Variants in MAN1A1 observed in about 807,000 individuals in gnomAD.
MAN1A1 encodes the protein mannosyl-oligosaccharide 1,2-alpha-mannosidase IA.
MAN1A1 carries 29 observed loss-of-function variants against 70.8 expected under a neutral mutation model. The ratio of observed to expected loss-of-function variants is 0.41; its 90% confidence interval spans 0.31 to 0.56. MAN1A1 has a LOEUF of 0.56. Ranked by LOEUF, MAN1A1 falls within the 20% of genes least tolerant of loss-of-function variation. MAN1A1 has a pLI of 0.29. For synonymous variants in MAN1A1, 349 were observed against 330.1 expected (o/e 1.06, Z -0.62); for missense variants, 747 against 841.3 (o/e 0.89, Z 1.39).
intron 5 of MAN1A1, among the ~76,000 whole-genome samples, chr6:119,249,070 G>A (rs1400913452): frequency 6.6e-6 from 1 of 152,160 alleles, no homozygotes; most frequent in Non-Finnish European, 1.5e-5. Context: ...GATGAGAACT[G>A]TACGCAGCAT....
chr6:119,299,866 A>T (rs1364844485), intron 4 of MAN1A1, among the ~76,000 whole-genome samples: 1 of 152,162 alleles, frequency 6.6e-6, no homozygotes, highest in African/African-American at 2.4e-5. Context: ...ATTTTAAATA[A>T]AACTGCTCCT....
chr6:119,232,200 G>T (rs567152406), intron 6 of MAN1A1, among the ~76,000 whole-genome samples: 1 of 151,868 alleles, frequency 6.6e-6, no homozygotes, highest in Admixed American at 6.6e-5. Flanking sequence ...GTGAAACCTC[G>T]TCTCTACTAA....
In MAN1A1 at chr6:119,316,278, A is replaced by G. The variant is rs574697640; in HGVS notation, c.604-9286T>C. Among the ~76,000 whole-genome samples the G allele has an allele frequency of 2.7e-5, 4 of 150,886 alleles. No individual in the cohort carries two copies. In the South Asian group the frequency reaches 8.4e-4, roughly 32 times the overall value. ...CTGCAATCTCCACCTCCCGCGTTCA[A>G]GCGATTGTCCTGCCTCAGCCTCCTG... On this transcript the variant is annotated intron_variant, in intron 2 of 12. Coordinates refer to ENST00000368468, the MANE Select transcript of MAN1A1 (RefSeq NM_005907.4).
At chr6:119,253,407 T>C (rs1775378319) in intron 5 of MAN1A1, among the ~76,000 whole-genome samples, 1 of 152,234 alleles carries the variant, frequency 6.6e-6, no homozygotes, top group Non-Finnish European at 1.5e-5. Context: ...AACGCCCGAC[T>C]GCACGTTGCA....
intron 6 of MAN1A1, among the ~76,000 whole-genome samples, chr6:119,243,123 G>A (rs983058811): frequency 6.6e-6 from 1 of 152,058 alleles, no homozygotes; most frequent in Non-Finnish European, 1.5e-5. Flanking sequence ...AACATAAAGT[G>A]TAAGATGGAG....
intron 5 of MAN1A1, among the ~76,000 whole-genome samples, chr6:119,256,912 G>A (rs1775475842): frequency 6.6e-6 from 1 of 152,156 alleles, no homozygotes; most frequent in Admixed American, 6.5e-5. Context: ...ATCTCAAGAA[G>A]CTTACAACCA....
intron 9 of MAN1A1, among the ~76,000 whole-genome samples, chr6:119,190,453 A>G (rs947997170): frequency 6.6e-6 from 1 of 152,192 alleles, no homozygotes; most frequent in African/African-American, 2.4e-5. Context: ...TTTGCTTACT[A>G]TATCTCTAAA....
chr6:119,242,066 C>A (rs1463038976), intron 6 of MAN1A1, among the ~76,000 whole-genome samples: 1 of 151,536 alleles, frequency 6.6e-6, no homozygotes, highest in Non-Finnish European at 1.5e-5. Context: ...AACAGTCAGA[C>A]CCTTAGCAGA....
chr6:119,201,191 T>C, intron 8 of MAN1A1, 63 bp downstream of exon 8: 5 of 1,246,032 alleles, frequency 4.0e-6, no homozygotes, highest in Non-Finnish European at 5.9e-6. Flanking sequence ...GCTTTTGTGC[T>C]TCCTCTCTCT....
In MAN1A1 at chr6:119,349,686, G is replaced by A. The variant is rs1421451586; in HGVS notation, c.-367C>T. ...CGCAGCCCCGGCGCGGCTCAGGTGG[G>A]CGAGCGCGCCGACCTGCGGGCGAAT... On this transcript the variant is annotated 5_prime_UTR_variant, in exon 1 of 13. Coordinates refer to ENST00000368468, the MANE Select transcript of MAN1A1 (RefSeq NM_005907.4). 4.1e-6 allele frequency: 4 copies of A among 985,768 alleles called. No individual in the cohort carries two copies. The highest frequency in any genetic ancestry group is 1.2e-4 in the Admixed American group (2 of 16,274). 61.1% of individuals were successfully genotyped at this position (985,768 alleles called of 1,614,324 possible). A position where few individuals can be genotyped will look rare whatever the true frequency, so the allele number is the denominator to read the frequency against.
chr6:119,227,596 A>C (rs1774553717), intron 6 of MAN1A1, among the ~76,000 whole-genome samples: 1 of 152,154 alleles, frequency 6.6e-6, no homozygotes, highest in East Asian at 1.9e-4. Flanking sequence ...CAGCCTCTCC[A>C]GTAGCTGAGA....
At chr6:119,204,289 G>T (rs927583362) in intron 7 of MAN1A1, among the ~76,000 whole-genome samples, 1 of 152,148 alleles carries the variant, frequency 6.6e-6, no homozygotes, top group Non-Finnish European at 1.5e-5. Context: ...CAATTTTACT[G>T]TAAAGGGAAG....
rs1429249196 is a variant in MAN1A1, at chr6:119,348,630, T to A, written c.436A>T (p.Ile146Phe). The A allele has an allele frequency of 1.9e-6, 3 of 1,613,802 alleles. No homozygotes were observed. The highest frequency in any genetic ancestry group is 2.5e-6 in the Non-Finnish European group (3 of 1,179,936). ...TTCTCCAGTAGGATGTCTCTTTGGA[T>A]CTCCTCGGGCAGCTTCTGCAGGGTC... The part of the protein sequence containing the change: ...KETLQKLPEE[I>F]QRDILLEKKK... The change falls in exon 2 of 13, where the codon ATC becomes TTC. Residue 146 changes from isoleucine to phenylalanine, a missense_variant. Transcript: ENST00000368468.
chr6:119,276,165 T>C (rs143117004), intron 5 of MAN1A1, among the ~76,000 whole-genome samples: 1,677 of 152,308 alleles, frequency 0.011, 23 homozygotes, highest in South Asian at 0.049. Flanking sequence ...GACCCTTCTA[T>C]GTTATTCAGA....
chr6:119,315,176 T>G (rs891807543), intron 2 of MAN1A1, among the ~76,000 whole-genome samples: 1 of 152,360 alleles, frequency 6.6e-6, no homozygotes. Flanking sequence ...GGGGATTTTC[T>G]TCAGATTGAG....
Position 119,315,948 on chromosome 6 carries a change from C to T in MAN1A1, c.604-8956G>A, listed in dbSNP as rs550825549. ...CCTCAGGGTTTTTGGTCTGTTTATTCGGCAGATTTTTAATTAACACGGAAA... is the reference window on the plus strand; with the variant it reads ...CCTCAGGGTTTTTGGTCTGTTTATTTGGCAGATTTTTAATTAACACGGAAA... On this transcript the variant is annotated intron_variant, in intron 2 of 12. Transcript: ENST00000368468. Among the ~76,000 whole-genome samples, 5 of 152,200 alleles carry T rather than the reference C, an allele frequency of 3.3e-5. No homozygotes were observed. In the East Asian group the frequency reaches 5.8e-4, roughly 18 times the overall value.
chr6:119,300,457 T>C (rs1249183319), intron 4 of MAN1A1, among the ~76,000 whole-genome samples: 14 of 152,040 alleles, frequency 9.2e-5, no homozygotes, highest in Non-Finnish European at 2.1e-4. Flanking sequence ...GGTTTCACCA[T>C]GTTGGCCAGG....
At chr6:119,187,722 A>G (rs762967149) in intron 11 of MAN1A1, among the ~76,000 whole-genome samples, 1 of 152,248 alleles carries the variant, frequency 6.6e-6, no homozygotes, top group Non-Finnish European at 1.5e-5. Context: ...TTGAGGAATA[A>G]TAACTCTTAC....
intron 8 of MAN1A1, among the ~76,000 whole-genome samples, chr6:119,198,343 CTGT>C (rs1773629601): frequency 6.6e-6 from 1 of 152,078 alleles, no homozygotes; most frequent in East Asian, 1.9e-4. Flanking sequence ...TGAGCTGAGG[CTGT>C]GCCACTGCAC....
Sources: gnomAD v4.1 joint callset for allele counts (sites outside exome capture counted in the v4.1 genomes callset) on GRCh38, gnomAD v4.1.1 for gene constraint, MANE v1.5 for transcripts, NCBI Gene and HGNC (gene_info 2026-07-23, HGNC 2026-07-21) for gene names.